STK24: variants seen among roughly 807,000 people sequenced by gnomAD.
STK24 encodes serine/threonine kinase 24, also known as serine/threonine-protein kinase 24.
Under a neutral mutation model 55.6 loss-of-function variants are expected in STK24, and 21 were observed. The observed-to-expected ratio is 0.38, with a 90% confidence interval of 0.27 to 0.54. STK24 has a LOEUF of 0.54. Ranked by LOEUF, STK24 falls within the 20% of genes least tolerant of loss-of-function variation. The probability of loss-of-function intolerance (pLI) is 0.79; values close to 1 mark genes in which losing one functional copy is unlikely to be tolerated. For missense variants in STK24, 383 were observed against 538.4 expected, an observed-to-expected ratio of 0.71 and a Z score of 2.86; for synonymous variants, 200 against 215.2, an observed-to-expected ratio of 0.93 and a Z score of 0.62.
intron 1 of STK24, among the ~76,000 whole-genome samples, chr13:98,561,145 A>C (rs1475151440): frequency 6.6e-6 from 1 of 152,208 alleles, no homozygotes; most frequent in Non-Finnish European, 1.5e-5. Context: ...TGTAAGTGTA[A>C]CACCACCGTG....
intron 1 of STK24, among the ~76,000 whole-genome samples, chr13:98,555,014 C>CAAAAAAAAA (rs398024117): frequency 2.3e-5 from 2 of 88,340 alleles, no homozygotes; most frequent in African/African-American, 4.3e-5. Context: ...GACTCCAACT[C>CAAAAAAAAA]AAAAAAAAAA....
At chr13:98,494,119 AG>A (rs539737291) in intron 2 of STK24, among the ~76,000 whole-genome samples, 220 of 143,136 alleles carry the variant, frequency 1.5e-3, no homozygotes, top group South Asian at 0.011. Context: ...AAAATTTTTA[AG>A]AAGTGCCTCG....
chr13:98,537,740 G>C (rs1028875274), intron 1 of STK24, among the ~76,000 whole-genome samples: 2 of 152,142 alleles, frequency 1.3e-5, no homozygotes, highest in African/African-American at 4.8e-5. Context: ...GTAGTGCAGG[G>C]GCTGAGGGCT....
At chr13:98,456,797 T>G (rs1018624965) in intron 10 of STK24, 8 of 361,966 alleles carry the variant, frequency 2.2e-5, no homozygotes, top group African/African-American at 1.5e-4. Context: ...TTTCTCACAC[T>G]TGACTTTAAA....
intron 2 of STK24, chr13:98,508,864 A>G (rs1895784061): frequency 6.6e-6 from 1 of 151,950 alleles, no homozygotes; most frequent in Admixed American, 6.6e-5. Context: ...TCCATTCTTC[A>G]GCTTTGCCAA....
At chr13:98,552,010 C>T (rs909659723) in intron 1 of STK24, among the ~76,000 whole-genome samples, 2 of 152,220 alleles carry the variant, frequency 1.3e-5, no homozygotes, top group Middle Eastern at 3.4e-3. Context: ...AAATGGCCTT[C>T]GCAAGCCTTC....
rs373533059 is a variant in STK24, at chr13:98,477,092, G to C, written c.331-1734C>G. 2.2e-4 allele frequency among the ~76,000 whole-genome samples: 34 copies of C among 152,328 alleles called. 2 individuals are homozygous for C. Among genetic ancestry groups the C allele is most frequent in the African/African-American group, 7.9e-4 (33 of 41,574 alleles). On this transcript the variant is annotated intron_variant, in intron 3 of 10. Coordinates refer to ENST00000539966, the MANE Select transcript of STK24 (RefSeq NM_001032296.4). ...ATTACGCCACAGACTCTGTTCCCCAGAAAGTAGTTTTTTCCCAGTTACCTG... is the reference window on the plus strand; with the variant it reads ...ATTACGCCACAGACTCTGTTCCCCACAAAGTAGTTTTTTCCCAGTTACCTG...
At chr13:98,548,056 T>C (rs1897070827) in intron 1 of STK24, among the ~76,000 whole-genome samples, 1 of 152,120 alleles carries the variant, frequency 6.6e-6, no homozygotes, top group South Asian at 2.1e-4. Flanking sequence ...TGACACCACA[T>C]GAAGAGAAGA....
chr13:98,518,901 G>C (rs1212667117), intron 2 of STK24, among the ~76,000 whole-genome samples: 1 of 152,102 alleles, frequency 6.6e-6, no homozygotes. Context: ...TTCTTAAGTT[G>C]GTATGAGTTT....
intron 10 of STK24, chr13:98,456,687 A>G (rs1369199851): frequency 5.2e-6 from 2 of 384,054 alleles, no homozygotes; most frequent in Non-Finnish European, 5.2e-6. Context: ...GCACAGATGA[A>G]CCCCTACCAA....
Position 98,477,172 on chromosome 13 carries a change from C to G in STK24, c.331-1814G>C, listed in dbSNP as rs374363311. ...ATCAAAACTACTATTCTAAAGAACA[C>G]AATCAGGAAAACTATGCCTTAAGTC... On this transcript the variant is annotated intron_variant, in intron 3 of 10. Transcript: ENST00000539966. 2.2e-4 allele frequency among the ~76,000 whole-genome samples: 34 copies of G among 152,308 alleles called. 2 individuals carry two copies. Among genetic ancestry groups the G allele is most frequent in the African/African-American group, 7.9e-4 (33 of 41,578 alleles).
At chr13:98,494,412 CAAAAA>C (rs1162677599) in intron 2 of STK24, among the ~76,000 whole-genome samples, 2 of 66,726 alleles carry the variant, frequency 3.0e-5, no homozygotes. Context: ...AGACTCGTCT[CAAAAA>C]AAAAAAAAAA....
chr13:98,464,008 A>C lies in STK24; in HGVS notation c.784-172T>G, dbSNP rs1202475029. ...CCCAAAGACGAGTCGCTCAGGACCTACGCCTGGGCTCTGGGTGCTATGGTG... is the reference window on the plus strand; with the variant it reads ...CCCAAAGACGAGTCGCTCAGGACCTCCGCCTGGGCTCTGGGTGCTATGGTG... On this transcript the variant is annotated intron_variant, in intron 6 of 10. Coordinates refer to ENST00000539966, the MANE Select transcript of STK24 (RefSeq NM_001032296.4). 4.6e-5 allele frequency among the ~76,000 whole-genome samples: 7 copies of C among 152,144 alleles called. No homozygotes were observed. The East Asian group carries it at 1.3e-3, about 29-fold the overall frequency.
Position 98,449,491 on chromosome 13 carries a change from G to A in STK24, c.*3682C>T, listed in dbSNP as rs1183517583. Reference sequence around the variant, plus strand: ...TTGGTTTTCCTAAGCCCTTTCTAACGAGAGTCTCAAACAAGCGGAGGCGAG... The same window carrying A: ...TTGGTTTTCCTAAGCCCTTTCTAACAAGAGTCTCAAACAAGCGGAGGCGAG... On this transcript the variant is annotated 3_prime_UTR_variant, in exon 11 of 11. Coordinates refer to ENST00000539966, the MANE Select transcript of STK24 (RefSeq NM_001032296.4). The A allele has an allele frequency of 6.6e-6, 1 of 152,248 alleles. No individual in the cohort carries two copies. Among genetic ancestry groups the A allele is most frequent in the Non-Finnish European group, 1.5e-5 (1 of 68,024 alleles). 9.4% of individuals were successfully genotyped at this position (152,248 alleles called of 1,614,324 possible). A position where few individuals can be genotyped will look rare whatever the true frequency, so the allele number is the denominator to read the frequency against.
chr13:98,534,763 T>G (rs548208215), intron 1 of STK24, among the ~76,000 whole-genome samples: 1 of 152,272 alleles, frequency 6.6e-6, no homozygotes, highest in South Asian at 2.1e-4. Flanking sequence ...TCTCCTATGA[T>G]TCCATCTCCG....
intron 1 of STK24, among the ~76,000 whole-genome samples, chr13:98,542,063 G>T (rs1054685608): frequency 6.6e-6 from 1 of 152,178 alleles, no homozygotes; most frequent in Non-Finnish European, 1.5e-5. Context: ...GGTCCACTAG[G>T]ACTTTAACCA....
chr13:98,471,693 A>T (rs529140128), intron 5 of STK24, among the ~76,000 whole-genome samples: 85 of 152,342 alleles, frequency 5.6e-4, no homozygotes, highest in Admixed American at 1.6e-3. Flanking sequence ...CTACTGCCAG[A>T]GGTGACAATG....
intron 1 of STK24, chr13:98,543,108 G>C: frequency 1.3e-6 from 1 of 750,000 alleles, no homozygotes; most frequent in Non-Finnish European, 1.6e-6. Context: ...CGGCTGGGAG[G>C]AGACCAGTCA....
At chr13:98,522,264 T>C (rs1327115601) in intron 1 of STK24, among the ~76,000 whole-genome samples, 2 of 152,180 alleles carry the variant, frequency 1.3e-5, no homozygotes, top group Admixed American at 1.3e-4. Context: ...TGGCTGGCCC[T>C]TACTCTAGGT....
Sources: gnomAD v4.1 joint callset for allele counts (sites outside exome capture counted in the v4.1 genomes callset) on GRCh38, gnomAD v4.1.1 for gene constraint, MANE v1.5 for transcripts, NCBI Gene and HGNC (gene_info 2026-07-23, HGNC 2026-07-21) for gene names.